The following PCDH9 variants were observed in gnomAD, a reference collection of about 807,000 sequenced individuals.
PCDH9 encodes protocadherin 9, also known as protocadherin-9.
A neutral mutation model predicts 70.6 loss-of-function variants in PCDH9; 24 were observed. That is an observed-to-expected ratio of 0.34 (90% CI 0.25 to 0.48). The LOEUF is 0.48. Ranked by LOEUF, PCDH9 falls within the 20% of genes least tolerant of loss-of-function variation. The probability of loss-of-function intolerance (pLI) is 0.99; values close to 1 mark genes in which losing one functional copy is unlikely to be tolerated. For synonymous variants in PCDH9, 562 were observed against 558.5 expected, an observed-to-expected ratio of 1.01 and a Z score of -0.09; for missense variants, 1,281 against 1,503.6, an observed-to-expected ratio of 0.85 and a Z score of 2.45.
intron 3 of PCDH9, among the ~76,000 whole-genome samples, chr13:66,864,015 G>A (rs906252985): frequency 3.3e-5 from 5 of 152,046 alleles, no homozygotes; most frequent in African/African-American, 9.7e-5. Context: ...GACAAGTGCC[G>A]AGTAAAAGGG....
chr13:66,618,371 T>G (rs2077384288), intron 4 of PCDH9, among the ~76,000 whole-genome samples: 1 of 152,160 alleles, frequency 6.6e-6, no homozygotes, highest in Non-Finnish European at 1.5e-5. Context: ...TAATTCTCAA[T>G]CACTGGCAGA....
intron 4 of PCDH9, among the ~76,000 whole-genome samples, chr13:66,447,667 A>T (rs1958123151): frequency 6.6e-6 from 1 of 152,152 alleles, no homozygotes; most frequent in South Asian, 2.1e-4. Context: ...TAAAAACTGA[A>T]AGCATGGTTA....
chr13:66,866,306 C>T (rs1050360580), intron 3 of PCDH9, among the ~76,000 whole-genome samples: 1 of 151,242 alleles, frequency 6.6e-6, no homozygotes, highest in African/African-American at 2.4e-5. Flanking sequence ...TACGGTGAAA[C>T]CCCGTCTCTA....
At chr13:66,896,883 A>G (rs572592545) in intron 3 of PCDH9, among the ~76,000 whole-genome samples, 22 of 152,190 alleles carry the variant, frequency 1.4e-4, no homozygotes, top group Non-Finnish European at 1.5e-4. Flanking sequence ...CGCAGGCTGT[A>G]TATTTAAGTA....
At chr13:66,922,490 C>T (rs1291159593) in intron 2 of PCDH9, among the ~76,000 whole-genome samples, 1 of 151,338 alleles carries the variant, frequency 6.6e-6, no homozygotes, top group Non-Finnish European at 1.5e-5. Flanking sequence ...TTAATTTTCA[C>T]GATTCTACAA....
intron 2 of PCDH9, among the ~76,000 whole-genome samples, chr13:67,092,990 A>C (rs2086249187): frequency 1.3e-5 from 2 of 152,316 alleles, no homozygotes; most frequent in African/African-American, 4.8e-5. Flanking sequence ...CTTCTAAACT[A>C]AGTAGCTATG....
intron 4 of PCDH9, among the ~76,000 whole-genome samples, chr13:66,508,952 G>A (rs992017861): frequency 6.6e-6 from 1 of 152,188 alleles, no homozygotes; most frequent in Admixed American, 6.5e-5. Flanking sequence ...TCGGGATGTT[G>A]TGAAGACTGA....
intron 4 of PCDH9, among the ~76,000 whole-genome samples, chr13:66,593,330 A>G (rs1444451809): frequency 1.3e-5 from 2 of 151,722 alleles, no homozygotes; most frequent in Admixed American, 6.6e-5. Flanking sequence ...TATGGCTGGA[A>G]GACATGGAAT....
intron 3 of PCDH9, among the ~76,000 whole-genome samples, chr13:66,859,884 C>T (rs9599161): frequency 0.52 from 78,583 of 151,812 alleles, 21,541 homozygotes; most frequent in Non-Finnish European, 0.59. Flanking sequence ...TGTTTGTAAC[C>T]TAAGAAAGCA....
chr13:66,509,020 G>A (rs9529075), intron 4 of PCDH9, among the ~76,000 whole-genome samples: 123,822 of 151,572 alleles, frequency 0.82, 51,024 homozygotes, highest in East Asian at 1. Context: ...AAGTATATAT[G>A]AAGCCTCCTG....
intron 4 of PCDH9, among the ~76,000 whole-genome samples, chr13:66,579,323 A>C (rs977394326): frequency 6.6e-6 from 1 of 152,084 alleles, no homozygotes; most frequent in East Asian, 1.9e-4. Flanking sequence ...ACTTCATATA[A>C]ATATACTGAA....
chr13:66,332,423 T>C (rs1955960698), intron 4 of PCDH9, among the ~76,000 whole-genome samples: 4 of 152,166 alleles, frequency 2.6e-5, no homozygotes, highest in African/African-American at 9.7e-5. Flanking sequence ...GTTCTAATTA[T>C]TGAATCAATG....
chr13:67,172,813 G>C (rs1175792731), intron 2 of PCDH9, among the ~76,000 whole-genome samples: 3 of 151,238 alleles, frequency 2.0e-5, no homozygotes, highest in Non-Finnish European at 4.4e-5. Flanking sequence ...GGGAGGTGTA[G>C]GGTGCGGTGA....
chr13:66,860,301 T>A (rs778314961), intron 3 of PCDH9, among the ~76,000 whole-genome samples: 7 of 152,026 alleles, frequency 4.6e-5, no homozygotes, highest in Non-Finnish European at 8.8e-5. Context: ...CGCAGCAGCT[T>A]CTGGAAAGAT....
intron 2 of PCDH9, among the ~76,000 whole-genome samples, chr13:67,020,335 C>T (rs2084651228): frequency 1.3e-5 from 2 of 152,106 alleles, no homozygotes; most frequent in South Asian, 4.1e-4. Context: ...TAACAAGCTG[C>T]CATTAAATAA....
At chr13:66,611,360 T>C (rs746134551) in intron 4 of PCDH9, among the ~76,000 whole-genome samples, 18 of 152,160 alleles carry the variant, frequency 1.2e-4, no homozygotes, top group Non-Finnish European at 2.4e-4. Context: ...AATAAGTTTG[T>C]AAAGGTCTAA....
At chr13:66,589,700 G>T (rs1173162070) in intron 4 of PCDH9, among the ~76,000 whole-genome samples, 1 of 151,918 alleles carries the variant, frequency 6.6e-6, no homozygotes, top group Non-Finnish European at 1.5e-5. Context: ...ATCCTTCCAG[G>T]GTGGGCAACA....
At chr13:67,059,400 A>T (rs952591970) in intron 2 of PCDH9, among the ~76,000 whole-genome samples, 2 of 147,116 alleles carry the variant, frequency 1.4e-5, no homozygotes, top group African/African-American at 4.9e-5. Context: ...TAGTATATAT[A>T]GTGTATATAT....
rs142315024 is a variant in PCDH9, at chr13:66,936,993, C to T, written c.3037-33388G>A. Among the ~76,000 whole-genome samples, 300 of 152,236 alleles carry T rather than the reference C, an allele frequency of 2.0e-3. 1 individual carries two copies. The highest frequency in any genetic ancestry group is 7.1e-3 in the African/African-American group (294 of 41,540). ...TTGGAAAGGCAGAAGAATTTCCATT[C>T]AGGTCATGTAAATTTGTTTTTCTCA... On this transcript the variant is annotated intron_variant, in intron 2 of 4. Coordinates refer to ENST00000377865, the MANE Select transcript of PCDH9 (RefSeq NM_203487.3).
Sources: allele counts gnomAD v4.1 joint callset (sites outside exome capture counted in the v4.1 genomes callset), GRCh38; gene constraint gnomAD v4.1.1; transcripts MANE v1.5; gene names NCBI Gene and HGNC (gene_info 2026-07-23, HGNC 2026-07-21).